Variants in SORCS2 observed in about 807,000 individuals in gnomAD.
SORCS2 encodes the protein VPS10 domain-containing receptor SorCS2.
SORCS2 carries 100 observed loss-of-function variants against 141.6 expected under a neutral mutation model. That is an observed-to-expected ratio of 0.71 (90% CI 0.60 to 0.83). The LOEUF (loss-of-function observed/expected upper bound fraction) is 0.83. SORCS2 is among the 40% of genes least tolerant of loss of function. SORCS2 has a pLI of 0.00. For missense variants in SORCS2, 1,646 were observed against 1,560.2 expected, an observed-to-expected ratio of 1.05 and a Z score of -0.93; for synonymous variants, 789 against 676.9, an observed-to-expected ratio of 1.17 and a Z score of -2.57.
chr4:7,516,059 A>G (rs1036094286), intron 2 of SORCS2, among the ~76,000 whole-genome samples: 1 of 152,182 alleles, frequency 6.6e-6, no homozygotes, highest in Admixed American at 6.5e-5. Flanking sequence ...CTGGGTGGGC[A>G]CTGTGGTGCT....
intron 3 of SORCS2, among the ~76,000 whole-genome samples, chr4:7,636,623 A>C (rs1274571875): frequency 1.3e-5 from 2 of 152,070 alleles, no homozygotes; most frequent in African/African-American, 4.8e-5. Flanking sequence ...AATCTGACCA[A>C]GCCACCAAAC....
intron 1 of SORCS2, among the ~76,000 whole-genome samples, chr4:7,375,343 C>T (rs1722567285): frequency 6.6e-6 from 1 of 152,258 alleles, no homozygotes; most frequent in Non-Finnish European, 1.5e-5. Context: ...ATCATCAAGG[C>T]AGCTCCATGC....
intron 13 of SORCS2, 112 bp downstream of exon 13, chr4:7,703,483 A>T: frequency 2.5e-6 from 2 of 798,632 alleles, no homozygotes; most frequent in South Asian, 1.8e-5. Flanking sequence ...GGGACACATG[A>T]TCACAGAGCA....
At chr4:7,418,558 A>G (rs748110308) in intron 2 of SORCS2, among the ~76,000 whole-genome samples, 1 of 152,208 alleles carries the variant, frequency 6.6e-6, no homozygotes, top group Admixed American at 6.5e-5. Context: ...TCTCCACTCC[A>G]CGAGGACCCT....
chr4:7,674,554 A>G (rs1722986839), intron 8 of SORCS2, among the ~76,000 whole-genome samples: 1 of 143,622 alleles, frequency 7.0e-6, no homozygotes, highest in Non-Finnish European at 1.5e-5. Context: ...AGCCTGGGCG[A>G]CAGAGCGAGA....
At chr4:7,314,281 A>C (rs1481631950) in intron 1 of SORCS2, among the ~76,000 whole-genome samples, 2 of 151,724 alleles carry the variant, frequency 1.3e-5, no homozygotes, top group East Asian at 1.9e-4. Context: ...AGGGCTCCGC[A>C]TTCACAGGGA....
At chr4:7,403,266 T>C (rs1724713357) in intron 2 of SORCS2, among the ~76,000 whole-genome samples, 3 of 152,198 alleles carry the variant, frequency 2.0e-5, no homozygotes, top group African/African-American at 7.2e-5. Flanking sequence ...GCTGATGGGC[T>C]TGGGTCTGCT....
chr4:7,675,785 C>A (rs569558551), intron 8 of SORCS2, among the ~76,000 whole-genome samples: 1 of 152,266 alleles, frequency 6.6e-6, no homozygotes, highest in Non-Finnish European at 1.5e-5. Flanking sequence ...GAGGTGTCCC[C>A]AGGCCACCCT....
intron 2 of SORCS2, among the ~76,000 whole-genome samples, chr4:7,473,539 T>C (rs77220287): frequency 0.031 from 4,686 of 151,864 alleles, 247 homozygotes; most frequent in African/African-American, 0.099. Context: ...TGGAACCTTC[T>C]AGCAGCTTGG....
chr4:7,411,291 T>A (rs1195072619), intron 2 of SORCS2, among the ~76,000 whole-genome samples: 1 of 151,916 alleles, frequency 6.6e-6, no homozygotes, highest in Non-Finnish European at 1.5e-5. Context: ...TGCCCTCCCT[T>A]GGGTCCGGGC....
chr4:7,367,162 A>G (rs1426840365), intron 1 of SORCS2, among the ~76,000 whole-genome samples: 1 of 152,196 alleles, frequency 6.6e-6, no homozygotes, highest in East Asian at 1.9e-4. Flanking sequence ...TAACAGAAGT[A>G]TAGGGTCTGT....
At chr4:7,737,348 G>C (rs900010457) in intron 26 of SORCS2, 176 bp downstream of exon 26, 8 of 814,016 alleles carry the variant, frequency 9.8e-6, no homozygotes, top group Non-Finnish European at 1.5e-5. Flanking sequence ...ATCTGATGAG[G>C]GGATGACGGG....
Position 7,725,290 on chromosome 4 carries a change from G to C in SORCS2, c.2745+3G>C. On this transcript the variant is annotated splice_donor_region_variant and intron_variant, in intron 20 of 26. Coordinates refer to ENST00000507866, the MANE Select transcript of SORCS2 (RefSeq NM_020777.3). ...GGTGGATCGGCCACAGCCTGCAGGT[G>C]CGCTGGCTTTGCCCCAACTCAGCCC... The C allele has an allele frequency of 6.2e-7, 1 of 1,612,040 alleles. No homozygotes were observed. The highest frequency in any genetic ancestry group is 8.5e-7 in the Non-Finnish European group (1 of 1,179,110).
intron 1 of SORCS2, among the ~76,000 whole-genome samples, chr4:7,333,640 C>T (rs950236506): frequency 4.6e-5 from 7 of 152,172 alleles, no homozygotes; most frequent in African/African-American, 9.7e-5. Flanking sequence ...CCCCTGACTG[C>T]GTGTGCCATT....
chr4:7,592,942 C>T (rs1162490467), intron 3 of SORCS2, among the ~76,000 whole-genome samples: 2 of 152,188 alleles, frequency 1.3e-5, no homozygotes, highest in Non-Finnish European at 2.9e-5. Context: ...GGAGGTGCTG[C>T]TTGGGTTAAT....
intron 3 of SORCS2, among the ~76,000 whole-genome samples, chr4:7,551,342 C>T (rs985968261): frequency 2.0e-5 from 3 of 152,226 alleles, no homozygotes; most frequent in Admixed American, 2.0e-4. Context: ...TCTGACTTGG[C>T]ATCAGCTCCC....
At chr4:7,544,046 A>G (rs142821058) in intron 3 of SORCS2, among the ~76,000 whole-genome samples, 13,056 of 145,464 alleles carry the variant, frequency 0.09, 770 homozygotes, top group Middle Eastern at 0.11. Flanking sequence ...CCACCCATCC[A>G]TCCAGCCACC....
intron 1 of SORCS2, among the ~76,000 whole-genome samples, chr4:7,350,697 C>T (rs1012466365): frequency 1.3e-5 from 2 of 152,216 alleles, no homozygotes; most frequent in African/African-American, 2.4e-5. Context: ...AGATTTTCAC[C>T]GATGCCACTT....
chr4:7,538,305 T>A (rs1461111664), intron 3 of SORCS2, among the ~76,000 whole-genome samples: 1 of 152,214 alleles, frequency 6.6e-6, no homozygotes, highest in East Asian at 1.9e-4. Context: ...GCCTTGCTGC[T>A]CCTGGCCAGG....
Sources: gnomAD v4.1 joint callset for allele counts (sites outside exome capture counted in the v4.1 genomes callset) on GRCh38, gnomAD v4.1.1 for gene constraint, MANE v1.5 for transcripts, NCBI Gene and HGNC (gene_info 2026-07-23, HGNC 2026-07-21) for gene names.